The following ELMO1 variants were observed in gnomAD, a reference collection of about 807,000 sequenced individuals.
ELMO1 encodes the protein engulfment and cell motility 1.
Under a neutral mutation model 98.9 loss-of-function variants are expected in ELMO1, and 26 were observed. The ratio of observed to expected loss-of-function variants is 0.26; its 90% CI spans 0.19 to 0.36. The LOEUF (loss-of-function observed/expected upper bound fraction) is 0.36. ELMO1 is among the 10% of genes least tolerant of loss of function. The pLI is 1.00. For missense variants in ELMO1, 627 were observed against 935.2 expected, an observed-to-expected ratio of 0.67 and a Z score of 4.30; for synonymous variants, 346 against 346.0, an observed-to-expected ratio of 1.00 and a Z score of 0.00.
At chr7:37,290,387 A>G (rs1797612972) in intron 4 of ELMO1, among the ~76,000 whole-genome samples, 1 of 152,240 alleles carries the variant, frequency 6.6e-6, no homozygotes, top group Non-Finnish European at 1.5e-5. Context: ...TAATCATATT[A>G]AAATTATGTA....
chr7:37,231,222 G>A (rs552509287), intron 8 of ELMO1, among the ~76,000 whole-genome samples: 8 of 152,136 alleles, frequency 5.3e-5, no homozygotes, highest in South Asian at 2.1e-4. Context: ...AACATAGTGC[G>A]GACATGACAC....
At chr7:37,032,837 G>A (rs1312359083) in intron 15 of ELMO1, among the ~76,000 whole-genome samples, 3 of 152,140 alleles carry the variant, frequency 2.0e-5, no homozygotes, top group African/African-American at 4.8e-5. Flanking sequence ...CATAGACTCT[G>A]ACCAGGAGAG....
intron 16 of ELMO1, among the ~76,000 whole-genome samples, chr7:37,006,047 C>T (rs1441463849): frequency 6.6e-6 from 1 of 152,166 alleles, no homozygotes; most frequent in African/African-American, 2.4e-5. Flanking sequence ...GGAAGGGAGG[C>T]CCTTGGCATT....
intron 13 of ELMO1, among the ~76,000 whole-genome samples, chr7:37,209,797 A>G (rs1432447551): frequency 1.3e-5 from 2 of 152,186 alleles, no homozygotes; most frequent in Non-Finnish European, 2.9e-5. Flanking sequence ...TCATCGACAC[A>G]CAAGTACAGG....
Position 37,216,637 on chromosome 7 carries a change from G to A in ELMO1, c.831+8C>T. On this transcript the variant is annotated splice_region_variant and intron_variant, in intron 11 of 21. Transcript: ENST00000310758. ...CCCACAAAGAGGTCACAGCGCATAG[G>A]TACTCACTGTTAAAATGATGGAACG... 2 of 1,613,984 alleles carry A rather than the reference G, an allele frequency of 1.2e-6. No individual in the cohort carries two copies. Among genetic ancestry groups the A allele is most frequent in the Non-Finnish European group, 1.7e-6 (2 of 1,179,884 alleles).
At chr7:37,194,153 C>A (rs1302429121) in intron 13 of ELMO1, among the ~76,000 whole-genome samples, 1 of 152,210 alleles carries the variant, frequency 6.6e-6, no homozygotes, top group East Asian at 1.9e-4. Context: ...TTAAAATAGG[C>A]TAACAAAACA....
chr7:36,878,034 G>A lies in ELMO1; in HGVS notation c.1798C>T (p.Pro600Ser), dbSNP rs767179282. ...DLEESPQGEV[P>S]HDSLQDKLPV... The stretch of plus-strand genomic sequence containing the variant: ...CGTTTGTCCTGCAAGGAATCGTGGG[G>A]CACTTCTCCCTGAGGACTCTCTTCT... The change falls in exon 19 of 22, where the codon CCC (proline) becomes TCC (serine). Residue 600 changes from proline (P) to serine (S), a missense_variant. This residue lies in a region of ELMO1 where 492 missense variants were observed against 715.6 expected (regional missense o/e 0.69). Coordinates refer to ENST00000310758, the MANE Select transcript of ELMO1 (RefSeq NM_014800.11). 6 of 1,613,874 alleles carry A rather than the reference G, an allele frequency of 3.7e-6. No individual in the cohort carries two copies. In the Admixed American group the frequency reaches 6.7e-5, roughly 18 times the overall value.
At chr7:36,970,476 G>C (rs967920742) in intron 16 of ELMO1, among the ~76,000 whole-genome samples, 1 of 152,166 alleles carries the variant, frequency 6.6e-6, no homozygotes, top group Non-Finnish European at 1.5e-5. Flanking sequence ...TCCACTGGAG[G>C]CTTCCCACTC....
Position 37,017,067 on chromosome 7 carries a change from T to G in ELMO1, c.1301-3632A>C, listed in dbSNP as rs113034948. On this transcript the variant is annotated intron_variant, in intron 15 of 21. Transcript: ENST00000310758. Reference sequence around the variant, plus strand: ...GCTGATGTATATTTACTGTGTAAGATTCCTCTGCTTTCCTCCTACTACTTG... The same window carrying G: ...GCTGATGTATATTTACTGTGTAAGAGTCCTCTGCTTTCCTCCTACTACTTG... 2.3e-3 allele frequency among the ~76,000 whole-genome samples: 354 copies of G among 152,306 alleles called. 1 individual carries two copies. Among genetic ancestry groups the G allele is most frequent in the East Asian group, 4.1e-3 (21 of 5,180 alleles).
chr7:37,211,826 G>T (rs567626765), intron 12 of ELMO1, among the ~76,000 whole-genome samples: 9 of 152,310 alleles, frequency 5.9e-5, no homozygotes, highest in Middle Eastern at 3.4e-3. Flanking sequence ...TGGAAGGGTC[G>T]TGATTGGAGA....
chr7:37,023,084 T>TTCTTTTGG (rs1286281718), intron 15 of ELMO1, among the ~76,000 whole-genome samples: 4 of 152,028 alleles, frequency 2.6e-5, no homozygotes, highest in African/African-American at 9.7e-5. Flanking sequence ...GCAAACAGGG[T>TTCTTTTGG]ATTGGTTCTT....
At chr7:37,242,214 C>T (rs1794797202) in intron 7 of ELMO1, among the ~76,000 whole-genome samples, 1 of 152,122 alleles carries the variant, frequency 6.6e-6, no homozygotes, top group Non-Finnish European at 1.5e-5. Context: ...TTCAAGGCTA[C>T]TATCTCTTCT....
chr7:37,324,336 T>C (rs535408637), intron 2 of ELMO1, among the ~76,000 whole-genome samples: 6 of 152,242 alleles, frequency 3.9e-5, no homozygotes, highest in African/African-American at 1.2e-4. Flanking sequence ...CTATGGAGCA[T>C]GGGCTGCCGT....
chr7:37,016,556 G>A (rs1319231500), intron 15 of ELMO1, among the ~76,000 whole-genome samples: 3 of 151,990 alleles, frequency 2.0e-5, no homozygotes, highest in African/African-American at 7.3e-5. Context: ...CATTCTCTTA[G>A]GTCTCCCGTA....
chr7:37,351,421 A>ATGAAGC (rs1381266120), intron 1 of ELMO1, among the ~76,000 whole-genome samples: 49 of 152,322 alleles, frequency 3.2e-4, no homozygotes, highest in East Asian at 2.5e-3. Flanking sequence ...TCTGCTGGGG[A>ATGAAGC]TGAAGCTGAA....
chr7:37,375,026 T>A (rs1384685239), intron 1 of ELMO1, among the ~76,000 whole-genome samples: 1 of 152,046 alleles, frequency 6.6e-6, no homozygotes, highest in African/African-American at 2.4e-5. Flanking sequence ...ACCACTGCAC[T>A]CCAGCCTGGG....
intron 1 of ELMO1, among the ~76,000 whole-genome samples, chr7:37,379,305 G>A (rs186282721): frequency 1.2e-3 from 185 of 152,268 alleles, no homozygotes; most frequent in South Asian, 8.9e-3. Context: ...CTCCCAAAGT[G>A]CTGGGATTAA....
In ELMO1 at chr7:37,323,688, A is replaced by C. The variant is rs568106992; in HGVS notation, c.79-7728T>G. 7.2e-5 allele frequency among the ~76,000 whole-genome samples: 11 copies of C among 152,272 alleles called. No individual in the cohort carries two copies. In the South Asian group the frequency reaches 8.3e-4, roughly 11 times the overall value. On this transcript the variant is annotated intron_variant, in intron 2 of 21. Transcript: ENST00000310758. ...TTCTCTACCAGCTGATTTTCAATCT[A>C]TCTCTCTCTCTATTCCTTAAAGTGA...
intron 15 of ELMO1, among the ~76,000 whole-genome samples, chr7:37,020,582 T>C (rs901040285): frequency 2.0e-5 from 3 of 152,218 alleles, no homozygotes; most frequent in Admixed American, 6.5e-5. Flanking sequence ...ATTTTCGCTC[T>C]CACAGGAATT....
Sources: gnomAD v4.1 joint callset for allele counts (sites outside exome capture counted in the v4.1 genomes callset) on GRCh38, gnomAD v4.1.1 for gene constraint, gnomAD v4.1.1 regional missense constraint, MANE v1.5 for transcripts, NCBI Gene and HGNC (gene_info 2026-07-23, HGNC 2026-07-21) for gene names.